SASH1: variants seen among roughly 807,000 people sequenced by gnomAD.
SASH1 encodes the protein SAM and SH3 domain-containing protein 1.
In SASH1, 44 loss-of-function variants were observed where a neutral mutation model predicts 125.2. The observed-to-expected ratio is 0.35, with a 90% confidence interval of 0.28 to 0.45. SASH1 has a LOEUF of 0.45. Ranked by LOEUF, SASH1 falls within the 20% of genes least tolerant of loss-of-function variation. The pLI is 1.00. For synonymous variants in SASH1, 639 were observed against 649.1 expected (o/e 0.98, Z 0.24); for missense variants, 1,426 against 1,614.5 (o/e 0.88, Z 2.00).
rs2115481458 is a variant in SASH1, at chr6:148,550,523, ATAAT to A, written c.*1971_*1974del. On this transcript the variant is annotated 3_prime_UTR_variant, in exon 20 of 20. Coordinates refer to ENST00000367467, the MANE Select transcript of SASH1 (RefSeq NM_015278.5). ...TTAAAAAATAATGCATGTTTCTTTA[ATAAT>A]TAATTTTCATCTTCTATAAGATGCC... 1 of 152,316 alleles carries A rather than the reference ATAAT, an allele frequency of 6.6e-6. No homozygotes were observed. Among genetic ancestry groups the A allele is most frequent in the African/African-American group, 2.4e-5 (1 of 41,568 alleles). 9.4% of individuals were successfully genotyped at this position (152,316 alleles called of 1,614,324 possible).
chr6:148,261,951 T>C, the SASH1 span, among the ~76,000 whole-genome samples: 1 of 152,108 alleles, frequency 6.6e-6, no homozygotes, highest in Admixed American at 6.5e-5. Flanking sequence ...TGGTTAACAG[T>C]TGAGGGGCAT....
chr6:148,422,216 TG>T (rs1325394759), intron 2 of SASH1, among the ~76,000 whole-genome samples: 1 of 152,232 alleles, frequency 6.6e-6, no homozygotes, highest in Non-Finnish European at 1.5e-5. Flanking sequence ...TGCCAATCTA[TG>T]CTTTCTGCCT....
At chr6:148,238,512 C>T in the SASH1 span, among the ~76,000 whole-genome samples, 3 of 152,142 alleles carry the variant, frequency 2.0e-5, no homozygotes, top group South Asian at 6.2e-4. Context: ...GCGTGAGCCA[C>T]CGTGCCTGGA....
chr6:148,474,254 G>A lies in SASH1; in HGVS notation c.627+32G>A, dbSNP rs372793598. On this transcript the variant is annotated intron_variant, in intron 7 of 19. Coordinates refer to ENST00000367467, the MANE Select transcript of SASH1 (RefSeq NM_015278.5). Reference sequence around the variant, plus strand: ...ATGCAGATACCTGGTTTATATTTGTGAGGACTTGACTTTCTGAAGTGTAAA... The same window carrying A: ...ATGCAGATACCTGGTTTATATTTGTAAGGACTTGACTTTCTGAAGTGTAAA... 18 of 1,376,506 alleles carry A rather than the reference G, an allele frequency of 1.3e-5. 1 individual carries two copies. Among genetic ancestry groups the A allele is most frequent in the Non-Finnish European group, 1.7e-5 (17 of 982,870 alleles). The allele number at this position is 1,376,506 out of a possible 1,614,324, so 85.3% of individuals were successfully genotyped here.
intron 1 of SASH1, among the ~76,000 whole-genome samples, chr6:148,290,878 A>G (rs1352305666): frequency 8.8e-6 from 1 of 113,132 alleles, no homozygotes; most frequent in Admixed American, 1.1e-4. Flanking sequence ...AAATACTAAA[A>G]AAAAGTTAAA....
intron 1 of SASH1, among the ~76,000 whole-genome samples, chr6:148,319,315 G>A (rs554987232): frequency 4.6e-5 from 7 of 151,786 alleles, no homozygotes; most frequent in African/African-American, 1.4e-4. Flanking sequence ...GATTACAGGC[G>A]TGAGCCACCG....
the SASH1 span, among the ~76,000 whole-genome samples, chr6:148,243,785 A>C: frequency 6.6e-6 from 1 of 151,896 alleles, no homozygotes; most frequent in Non-Finnish European, 1.5e-5. Flanking sequence ...TAAACGTGTT[A>C]GTAATTGGGA....
At chr6:148,499,408 T>G (rs1455613885) in intron 8 of SASH1, among the ~76,000 whole-genome samples, 1 of 152,142 alleles carries the variant, frequency 6.6e-6, no homozygotes, top group East Asian at 1.9e-4. Flanking sequence ...TGAACCAAAG[T>G]GTAGGTTGAA....
At chr6:148,331,120 A>G (rs1780984783) in intron 1 of SASH1, among the ~76,000 whole-genome samples, 1 of 152,186 alleles carries the variant, frequency 6.6e-6, no homozygotes, top group South Asian at 2.1e-4. Context: ...CAATTCACAT[A>G]GCCCACTTTT....
In SASH1 at chr6:148,544,508, G is replaced by A; in HGVS notation, c.3038G>A (p.Ser1013Asn). Residue 1013 changes from serine to asparagine, a missense_variant, in exon 18 of 20, where the codon AGT (serine) becomes AAT (asparagine). This residue lies in a region of SASH1 where 634 missense variants were observed against 694.4 expected (regional missense o/e 0.91). Transcript: ENST00000367467. The surrounding 1 kb of genome is among the most constrained non-coding windows in gnomAD (Gnocchi z 6.4). ...VPMGPSGALP[S>N]PDAPCLPVKR... ...ATGGGCCCCAGTGGGGCCCTCCCCAGTCCCGATGCGCCATGCCTGCCAGTG... is the reference window on the plus strand; with the variant it reads ...ATGGGCCCCAGTGGGGCCCTCCCCAATCCCGATGCGCCATGCCTGCCAGTG... 1 of 1,613,582 alleles carries A rather than the reference G, an allele frequency of 6.2e-7. No homozygotes were observed. Among genetic ancestry groups the A allele is most frequent in the Non-Finnish European group, 8.5e-7 (1 of 1,180,002 alleles).
chr6:148,193,718 A>G, the SASH1 span, among the ~76,000 whole-genome samples: 6 of 152,236 alleles, frequency 3.9e-5, no homozygotes, highest in South Asian at 6.2e-4. Flanking sequence ...GGAATTTATA[A>G]TCAAAGGATT....
At chr6:148,398,915 C>A (rs549137405) in intron 2 of SASH1, among the ~76,000 whole-genome samples, 1 of 152,300 alleles carries the variant, frequency 6.6e-6, no homozygotes, top group East Asian at 1.9e-4. Context: ...TAATCAAATG[C>A]CCTGTTCCAA....
At chr6:148,245,693 G>A in the SASH1 span, among the ~76,000 whole-genome samples, 1 of 152,064 alleles carries the variant, frequency 6.6e-6, no homozygotes, top group Admixed American at 6.6e-5. Context: ...GAGAAAACAA[G>A]AATTAAGCTG....
the SASH1 span, among the ~76,000 whole-genome samples, chr6:148,263,072 A>G: frequency 1.3e-5 from 2 of 152,196 alleles, no homozygotes; most frequent in African/African-American, 4.8e-5. Context: ...AAGAGGACAG[A>G]AACAGCAGAC....
chr6:148,273,730 T>C (rs1461613989), intron 1 of SASH1, among the ~76,000 whole-genome samples: 1 of 152,232 alleles, frequency 6.6e-6, no homozygotes, highest in Non-Finnish European at 1.5e-5. Context: ...CCTGAGGGCC[T>C]CTCCTGCCCC....
intron 2 of SASH1, among the ~76,000 whole-genome samples, chr6:148,426,204 C>A (rs1208046784): frequency 1.3e-5 from 2 of 151,266 alleles, no homozygotes; most frequent in Non-Finnish European, 2.9e-5. Flanking sequence ...AACAGTGAAA[C>A]TCCATCTCAA....
intron 1 of SASH1, among the ~76,000 whole-genome samples, chr6:148,283,159 G>A (rs1261526363): frequency 1.3e-5 from 2 of 152,200 alleles, no homozygotes; most frequent in Admixed American, 6.5e-5. Flanking sequence ...TCAAACTAGT[G>A]ACATACTGTC....
rs1336775013 is a variant in SASH1 at position 148,540,562 on chromosome 6, G to T, written c.2209+6G>T. On this transcript the variant is annotated splice_donor_region_variant and intron_variant, in intron 17 of 19. Coordinates refer to ENST00000367467, the MANE Select transcript of SASH1 (RefSeq NM_015278.5). The stretch of plus-strand genomic sequence containing the variant: ...CAGTGAGAACCTGGAAAACGGTAAT[G>T]TCAGCATGAGTCGCTGGGAACCTGC... The T allele has an allele frequency of 1.2e-6, 2 of 1,603,240 alleles. No individual in the cohort carries two copies. The highest frequency in any genetic ancestry group is 1.7e-6 in the Non-Finnish European group (2 of 1,171,034).
chr6:148,362,034 C>T (rs1488410234), intron 1 of SASH1, among the ~76,000 whole-genome samples: 1 of 150,942 alleles, frequency 6.6e-6, no homozygotes, highest in African/African-American at 2.4e-5. Context: ...CTGCCTCAGC[C>T]TCCCGAGTAG....
Sources: gnomAD v4.1 joint callset for allele counts (sites outside exome capture counted in the v4.1 genomes callset) on GRCh38, gnomAD v4.1.1 for gene constraint, gnomAD v4.1.1 regional missense constraint, Gnocchi (gnomAD v3.1) non-coding constraint, MANE v1.5 for transcripts, NCBI Gene and HGNC (gene_info 2026-07-23, HGNC 2026-07-21) for gene names.